Variants in IL1RAPL2 observed in about 807,000 individuals in gnomAD.
The protein encoded by IL1RAPL2 is interleukin 1 receptor accessory protein like 2, also known as X-linked interleukin-1 receptor accessory protein-like 2.
In IL1RAPL2, 3 loss-of-function variants were observed where a neutral mutation model predicts 44.1. The observed-to-expected ratio is 0.07, with a 90% CI of 0.03 to 0.18. The LOEUF (loss-of-function observed/expected upper bound fraction) is 0.18, where lower values mean the gene tolerates loss of function less well. IL1RAPL2 is among the 10% of genes least tolerant of loss of function. The probability of loss-of-function intolerance (pLI) is 1.00; values close to 1 mark genes in which losing one functional copy is unlikely to be tolerated. For synonymous variants in IL1RAPL2, 181 were observed against 178.8 expected (o/e 1.01, Z -0.10); for missense variants, 391 against 496.4 (o/e 0.79, Z 2.02).
At chrX:104,604,257 G>C (rs1928952974) in intron 1 of IL1RAPL2, among the ~76,000 whole-genome samples, 1 of 111,683 alleles carries the variant, frequency 9.0e-6, no homozygotes, top group Admixed American at 9.5e-5. Context: ...AGCAAATGCT[G>C]AGAGATTTCA....
intron 2 of IL1RAPL2, among the ~76,000 whole-genome samples, chrX:105,014,425 T>C (rs2031128953): frequency 9.0e-6 from 1 of 110,932 alleles, no homozygotes; most frequent in African/African-American, 3.3e-5. Context: ...CGACCCGTCA[T>C]CTACAGTAGG....
At chrX:105,110,392 T>C (rs1314761132) in intron 2 of IL1RAPL2, among the ~76,000 whole-genome samples, 2 of 112,144 alleles carry the variant, frequency 1.8e-5, no homozygotes, top group Non-Finnish European at 3.8e-5. Context: ...GAAGTCAGCA[T>C]GAACATTTCC....
chrX:105,767,283 A>G lies in IL1RAPL2; in HGVS notation c.1683A>G (p.Lys561=). 2.5e-6 allele frequency: 3 copies of G among 1,211,710 alleles called. No individual in the cohort carries two copies. Among genetic ancestry groups the G allele is most frequent in the Non-Finnish European group, 1.1e-6 (1 of 895,318 alleles). ...TATATGAAATGCCCATCAAGAAAAA[A>G]GAAATGCTACCTCGGTGCCATGTTC... The part of the protein sequence containing the change: ...HLVYEMPIKK[K]EMLPRCHVLD... Residue 561 remains lysine (K), a synonymous_variant, in exon 11 of 11, where the codon AAA becomes AAG. Transcript: ENST00000372582.
At chrX:105,446,740 T>C (rs2147758033) in intron 5 of IL1RAPL2, among the ~76,000 whole-genome samples, 1 of 109,756 alleles carries the variant, frequency 9.1e-6, no homozygotes, top group South Asian at 3.8e-4. Context: ...TGTCTTATTG[T>C]TCTATATATT....
intron 5 of IL1RAPL2, among the ~76,000 whole-genome samples, chrX:105,412,766 A>G (rs2035706419): frequency 8.9e-6 from 1 of 111,923 alleles, no homozygotes; most frequent in African/African-American, 3.2e-5. Flanking sequence ...TTATTATACA[A>G]CATTTATGCA....
At chrX:104,925,217 CAAAA>C (rs372080675) in intron 2 of IL1RAPL2, among the ~76,000 whole-genome samples, 2 of 66,128 alleles carry the variant, frequency 3.0e-5, no homozygotes, top group African/African-American at 5.7e-5. Context: ...TGTCTCCCAC[CAAAA>C]AAAAAAAAAA....
intron 2 of IL1RAPL2, among the ~76,000 whole-genome samples, chrX:104,784,520 T>A (rs1046672223): frequency 9.0e-6 from 1 of 111,333 alleles, no homozygotes; most frequent in Non-Finnish European, 1.9e-5. Context: ...CTTGCAGAGA[T>A]GTGATGATGA....
intron 6 of IL1RAPL2, among the ~76,000 whole-genome samples, chrX:105,499,903 A>G (rs2036381131): frequency 8.9e-6 from 1 of 112,184 alleles, no homozygotes; most frequent in South Asian, 3.7e-4. Flanking sequence ...ACTTCTGAAT[A>G]TTTGCCAAGA....
chrX:105,393,489 G>C (rs2035541685), intron 5 of IL1RAPL2, among the ~76,000 whole-genome samples: 1 of 111,205 alleles, frequency 9.0e-6, no homozygotes, highest in African/African-American at 3.3e-5. Context: ...CAGAATTCAG[G>C]TCCCTCTTAT....
chrX:105,008,862 G>A (rs1029239809), intron 2 of IL1RAPL2, among the ~76,000 whole-genome samples: 6 of 110,896 alleles, frequency 5.4e-5, no homozygotes, highest in African/African-American at 2.0e-4. Context: ...TCTGACAAAG[G>A]GCTAATATCC....
chrX:105,097,861 G>C (rs1181268730), intron 2 of IL1RAPL2, among the ~76,000 whole-genome samples: 1 of 111,186 alleles, frequency 9.0e-6, no homozygotes, highest in Non-Finnish European at 1.9e-5. Flanking sequence ...AATTTAAGTA[G>C]GGTACCCGTT....
At chrX:105,184,731 A>G (rs557515404) in intron 2 of IL1RAPL2, among the ~76,000 whole-genome samples, 1 of 110,575 alleles carries the variant, frequency 9.0e-6, no homozygotes. Context: ...ATGCCCTTTT[A>G]CTGTCATGAA....
intron 5 of IL1RAPL2, among the ~76,000 whole-genome samples, chrX:105,395,367 A>AT (rs1000956031): frequency 1.8e-5 from 2 of 109,827 alleles, no homozygotes; most frequent in African/African-American, 3.3e-5. Context: ...GATATTCTTA[A>AT]TTTTTTTTAA....
At chrX:105,311,611 T>TAC (rs369751919) in intron 5 of IL1RAPL2, among the ~76,000 whole-genome samples, 13,234 of 92,341 alleles carry the variant, frequency 0.14, 863 homozygotes, top group East Asian at 0.29. Flanking sequence ...TATACATACA[T>TAC]ACACACACAC....
chrX:105,663,751 A>G (rs1286382647), intron 6 of IL1RAPL2, among the ~76,000 whole-genome samples: 1 of 112,178 alleles, frequency 8.9e-6, no homozygotes, highest in African/African-American at 3.2e-5. Context: ...AAGTCTTGAC[A>G]TGACAGGAAA....
At chrX:105,203,026 C>T (rs1182495050) in intron 3 of IL1RAPL2, among the ~76,000 whole-genome samples, 7 of 111,302 alleles carry the variant, frequency 6.3e-5, no homozygotes, top group African/African-American at 2.0e-4. Flanking sequence ...ATATCTCCTC[C>T]CCCTTGCTTC....
chrX:105,202,624 C>T (rs781889259), intron 3 of IL1RAPL2, among the ~76,000 whole-genome samples: 1 of 111,891 alleles, frequency 8.9e-6, no homozygotes, highest in East Asian at 2.8e-4. Flanking sequence ...TCCACCCAAC[C>T]ATCTTTCTCA....
chrX:105,482,737 C>G (rs963357362), intron 5 of IL1RAPL2, among the ~76,000 whole-genome samples: 1 of 111,233 alleles, frequency 9.0e-6, no homozygotes, highest in Non-Finnish European at 1.9e-5. Context: ...GAGATCTTCT[C>G]TCATGTTGGC....
chrX:105,414,701 C>T (rs183701064), intron 5 of IL1RAPL2, among the ~76,000 whole-genome samples: 17 of 111,743 alleles, frequency 1.5e-4, no homozygotes, highest in African/African-American at 5.5e-4. Flanking sequence ...TCAAGTGTCA[C>T]TCAGGTATAC....
Sources: allele counts gnomAD v4.1 joint callset (sites outside exome capture counted in the v4.1 genomes callset), GRCh38; gene constraint gnomAD v4.1.1; transcripts MANE v1.5; gene names NCBI Gene and HGNC (gene_info 2026-07-23, HGNC 2026-07-21).